AFAP1: variants seen among roughly 807,000 people sequenced by gnomAD.
AFAP1 encodes the protein actin filament associated protein 1.
Under a neutral mutation model 93.9 loss-of-function variants are expected in AFAP1, and 75 were observed. The observed-to-expected ratio is 0.80, with a 90% CI of 0.66 to 0.97. The LOEUF (loss-of-function observed/expected upper bound fraction) is 0.97. AFAP1 is among the 50% of genes least tolerant of loss of function. The pLI is 0.00. For synonymous variants in AFAP1, 517 were observed against 430.7 expected (o/e 1.20, Z -2.48); for missense variants, 1,201 against 1,050.8 (o/e 1.14, Z -1.98).
At chr4:7,935,439 A>G in intron 1 of AFAP1, among the ~76,000 whole-genome samples, 1 of 152,216 alleles carries the variant, frequency 6.6e-6, no homozygotes, top group Non-Finnish European at 1.5e-5. Flanking sequence ...AACTGTTTTG[A>G]GGTAGCCTGA....
chr4:7,825,295 C>T (rs1259236409), intron 6 of AFAP1, among the ~76,000 whole-genome samples: 1 of 152,174 alleles, frequency 6.6e-6, no homozygotes, highest in Non-Finnish European at 1.5e-5. Flanking sequence ...TAGCGCACTA[C>T]CTTCTGGCTC....
At position 7,762,543 on chromosome 4, in the gene AFAP1, C is replaced by T. The variant is rs537542897; in HGVS notation, c.*1222G>A. On this transcript the variant is annotated 3_prime_UTR_variant, in exon 18 of 18. Coordinates refer to ENST00000420658, the MANE Select transcript of AFAP1 (RefSeq NM_001134647.2). Reference sequence around the variant, plus strand: ...TTTAAACCCAGGGGGTAAATACCAGCTCAAACTATGAACTCTGTTTTTTTC... The same window carrying T: ...TTTAAACCCAGGGGGTAAATACCAGTTCAAACTATGAACTCTGTTTTTTTC... 1.3e-5 allele frequency: 2 copies of T among 152,222 alleles called. No individual in the cohort carries two copies. The highest frequency in any genetic ancestry group is 4.1e-4 in the South Asian group (2 of 4,824). 9.4% of individuals were successfully genotyped at this position (152,222 alleles called of 1,614,324 possible).
intron 8 of AFAP1, 29 bp downstream of exon 8, chr4:7,815,989 T>G (rs368518060): frequency 1.3e-6 from 2 of 1,569,814 alleles, no homozygotes; most frequent in African/African-American, 2.7e-5. Context: ...TTTTAGTGTA[T>G]ATATGTTTTT....
At chr4:7,790,578 T>C (rs1054509118) in intron 11 of AFAP1, among the ~76,000 whole-genome samples, 4 of 152,186 alleles carry the variant, frequency 2.6e-5, no homozygotes, top group African/African-American at 9.7e-5. Context: ...TCCAAATAAA[T>C]ATAGTGAACA....
intron 6 of AFAP1, among the ~76,000 whole-genome samples, chr4:7,819,578 AG>A (rs1171732195): frequency 6.6e-6 from 1 of 152,234 alleles, no homozygotes; most frequent in African/African-American, 2.4e-5. Context: ...ATGATGCTGA[AG>A]GGTCCAGCCA....
chr4:7,873,538 C>T (rs28892906), intron 1 of AFAP1, among the ~76,000 whole-genome samples: 73,102 of 150,152 alleles, frequency 0.49, 17,897 homozygotes, highest in East Asian at 0.56. Context: ...TTAGTAGAGA[C>T]GGGGTTTCAC....
chr4:7,856,282 A>G (rs1243817697), intron 3 of AFAP1, among the ~76,000 whole-genome samples: 1 of 151,688 alleles, frequency 6.6e-6, no homozygotes, highest in African/African-American at 2.4e-5. Context: ...TTGCTTTGTC[A>G]CCCAGGCTGG....
At chr4:7,791,824 G>C (rs1359551346) in intron 11 of AFAP1, among the ~76,000 whole-genome samples, 1 of 145,594 alleles carries the variant, frequency 6.9e-6, no homozygotes, top group East Asian at 2.0e-4. Flanking sequence ...CTGCACTCCA[G>C]CCTGGGCAAC....
intron 6 of AFAP1, among the ~76,000 whole-genome samples, chr4:7,820,656 G>A (rs143025292): frequency 8.5e-5 from 13 of 152,308 alleles, no homozygotes; most frequent in Middle Eastern, 3.4e-3. Context: ...GAGAGACTAG[G>A]AGTGGGGGAG....
intron 6 of AFAP1, among the ~76,000 whole-genome samples, chr4:7,827,639 C>T (rs1721553552): frequency 6.8e-6 from 1 of 146,370 alleles, no homozygotes; most frequent in Non-Finnish European, 1.5e-5. Flanking sequence ...AAAGCTTCCC[C>T]AAGTGAAGCT....
At position 7,872,016 on chromosome 4, in the gene AFAP1, G is replaced by A. The variant is rs116458989; in HGVS notation, c.63C>T (p.Thr21=). 3 of 1,614,114 alleles carry A rather than the reference G, an allele frequency of 1.9e-6. No individual in the cohort carries two copies. Among genetic ancestry groups the A allele is most frequent in the African/African-American group, 1.3e-5 (1 of 75,026 alleles). ...CTGCCTTTTTCTCCCTGACAGTTGA[G>A]GTTAGATATTCATGGTCCAGGAGTT... The part of the protein sequence containing the change: ...FLELLDHEYL[T]STVREKKAVI... Residue 21 remains threonine, a synonymous_variant, in exon 2 of 18, where the codon ACC becomes ACT. Coordinates refer to ENST00000420658, the MANE Select transcript of AFAP1 (RefSeq NM_001134647.2).
intron 1 of AFAP1, among the ~76,000 whole-genome samples, chr4:7,895,388 G>T (rs1165328397): frequency 6.7e-6 from 1 of 149,994 alleles, no homozygotes; most frequent in Non-Finnish European, 1.5e-5. Context: ...ATTATTATCT[G>T]TTAAAGATTT....
intron 1 of AFAP1, among the ~76,000 whole-genome samples, chr4:7,889,592 G>C (rs1577337068): frequency 1.5e-5 from 2 of 136,890 alleles, no homozygotes; most frequent in Admixed American, 1.5e-4. Context: ...AAAAACTAAA[G>C]TTTTTCATAT....
intron 5 of AFAP1, 148 bp downstream of exon 5, chr4:7,842,991 A>T (rs1407634098): frequency 1.2e-6 from 1 of 837,086 alleles, no homozygotes; most frequent in Non-Finnish European, 1.8e-6. Context: ...GGCCCCTGGC[A>T]TGGTACTGCG....
rs191089393 is a variant in AFAP1, at chr4:7,815,164, C to T, written c.904+854G>A. Among the ~76,000 whole-genome samples the T allele has an allele frequency of 1.2e-3, 178 of 152,194 alleles. 5 individuals are homozygous for T. The South Asian group carries it at 0.036, about 31-fold the overall frequency. On this transcript the variant is annotated intron_variant, in intron 8 of 17. Transcript: ENST00000420658. Reference sequence around the variant, plus strand: ...TGGAATAAGCACTCACAGAAGGACACGGCCTGTAGGACTCCACTTCAATGA... The same window carrying T: ...TGGAATAAGCACTCACAGAAGGACATGGCCTGTAGGACTCCACTTCAATGA...
rs896504574 is a variant in AFAP1 at position 7,939,333 on chromosome 4, G to A, written c.-3+323C>T. 6 of 315,406 alleles carry A rather than the reference G, an allele frequency of 1.9e-5. No individual in the cohort carries two copies. Among genetic ancestry groups the A allele is most frequent in the Middle Eastern group, 4.1e-4 (1 of 2,452 alleles). 19.5% of individuals were successfully genotyped at this position (315,406 alleles called of 1,614,324 possible). On this transcript the variant is annotated intron_variant, in intron 1 of 17. Coordinates refer to ENST00000420658, the MANE Select transcript of AFAP1 (RefSeq NM_001134647.2). The surrounding 1 kb of genome is among the most constrained non-coding windows in gnomAD (Gnocchi z 5.6). Reference sequence around the variant, plus strand: ...CGCCCCACGAGTGGGTCTTCGCAGGGCCCCCTCTGACGCACACGGGGACCA... The same window carrying A: ...CGCCCCACGAGTGGGTCTTCGCAGGACCCCCTCTGACGCACACGGGGACCA...
At chr4:7,888,859 C>T (rs961137432) in intron 1 of AFAP1, among the ~76,000 whole-genome samples, 13 of 152,078 alleles carry the variant, frequency 8.5e-5, no homozygotes, top group African/African-American at 2.2e-4. Flanking sequence ...GGCATGATCT[C>T]GGCTCACTGC....
intron 5 of AFAP1, among the ~76,000 whole-genome samples, chr4:7,840,932 T>C (rs1035800946): frequency 6.6e-6 from 1 of 152,226 alleles, no homozygotes; most frequent in Non-Finnish European, 1.5e-5. Flanking sequence ...ACAGAAAATG[T>C]ATAGTGATCA....
intron 13 of AFAP1, among the ~76,000 whole-genome samples, chr4:7,779,615 TC>T (rs1716537513): frequency 6.6e-6 from 1 of 152,226 alleles, no homozygotes; most frequent in Admixed American, 6.5e-5. Context: ...ACAGCTTCCT[TC>T]TGTTGCAGGC....
Sources: allele counts gnomAD v4.1 joint callset (sites outside exome capture counted in the v4.1 genomes callset), GRCh38; gene constraint gnomAD v4.1.1; non-coding constraint Gnocchi (gnomAD v3.1); transcripts MANE v1.5; gene names NCBI Gene and HGNC (gene_info 2026-07-23, HGNC 2026-07-21).